Variants in SLC26A5 observed in about 807,000 individuals in gnomAD.
The protein encoded by SLC26A5 is prestin.
In SLC26A5, 51 loss-of-function variants were observed where a neutral mutation model predicts 81.0. That is an observed-to-expected ratio of 0.63 (90% CI 0.50 to 0.80). The LOEUF (loss-of-function observed/expected upper bound fraction) is 0.80. SLC26A5 is among the 30% of genes least tolerant of loss of function. The probability of loss-of-function intolerance (pLI) is 0.00; values close to 1 mark genes in which losing one functional copy is unlikely to be tolerated. For missense variants in SLC26A5, 771 were observed against 905.8 expected (o/e 0.85, Z 1.91); for synonymous variants, 325 against 332.8 (o/e 0.98, Z 0.25).
intron 19 of SLC26A5, among the ~76,000 whole-genome samples, chr7:103,376,232 T>C (rs1227866758): frequency 6.6e-6 from 1 of 151,902 alleles, no homozygotes; most frequent in Non-Finnish European, 1.5e-5. Context: ...TGCGCCACCA[T>C]GTCTGGCTAA....
intron 2 of SLC26A5, chr7:103,433,655 T>TAGAAGTCATTCG (rs1416333867): frequency 6.6e-6 from 1 of 152,104 alleles, no homozygotes; most frequent in African/African-American, 2.4e-5. Context: ...AAAGTCATTC[T>TAGAAGTCATTCG]TCTTGAGCTC....
chr7:103,430,944 A>C (rs1332266328), intron 2 of SLC26A5, among the ~76,000 whole-genome samples: 1 of 152,210 alleles, frequency 6.6e-6, no homozygotes, highest in Non-Finnish European at 1.5e-5. Flanking sequence ...CATACCACTA[A>C]ATAAGTTGAA....
Position 103,353,514 on chromosome 7 carries a change from C to T in SLC26A5, c.2042-588G>A, listed in dbSNP as rs2116138132. 2.6e-5 allele frequency among the ~76,000 whole-genome samples: 4 copies of T among 152,280 alleles called. No individual in the cohort carries two copies. In the Middle Eastern group the frequency reaches 0.014, roughly 518 times the overall value. ...TAGAGACGGGGTTTCGCCAGGTTGG[C>T]TAGGCTGGTCTCAAACTCCTGACCT... On this transcript the variant is annotated intron_variant, in intron 19 of 19. Transcript: ENST00000339444.
intron 19 of SLC26A5, chr7:103,353,986 T>G (rs368468336): frequency 6.6e-7 from 1 of 1,516,050 alleles, no homozygotes; most frequent in Non-Finnish European, 9.0e-7. Flanking sequence ...CTACAAACTA[T>G]AGATGTTTTA....
At position 103,411,451 on chromosome 7, in the gene SLC26A5, ATGGCGACT is replaced by A; in HGVS notation, c.531_538del (p.Lys177AsnfsTer18). ...GATTCCTGAAAGTAAGGTCACAGAC[ATGGCGACT>A]TTCACTCTCAAGGCATCTCTGGCCT... On this transcript the variant is annotated frameshift_variant, in exon 6 of 20. Transcript: ENST00000306312. LOFTEE classifies it high-confidence loss of function. The A allele has an allele frequency of 1.2e-6, 2 of 1,614,186 alleles. No homozygotes were observed. The highest frequency in any genetic ancestry group is 1.7e-6 in the Non-Finnish European group (2 of 1,180,022).
chr7:103,424,781 C>T (rs1485673145), intron 2 of SLC26A5, among the ~76,000 whole-genome samples: 1 of 152,150 alleles, frequency 6.6e-6, no homozygotes, highest in Non-Finnish European at 1.5e-5. Flanking sequence ...GATGTTTTAT[C>T]ACCTACAAGG....
At chr7:103,416,560 T>C (rs1289910179) in intron 4 of SLC26A5, among the ~76,000 whole-genome samples, 1 of 152,236 alleles carries the variant, frequency 6.6e-6, no homozygotes, top group African/African-American at 2.4e-5. Context: ...TTGCAAAGAC[T>C]TTGAACCAGT....
intron 2 of SLC26A5, among the ~76,000 whole-genome samples, chr7:103,431,030 G>A (rs1351159647): frequency 6.6e-6 from 1 of 152,158 alleles, no homozygotes; most frequent in Non-Finnish European, 1.5e-5. Flanking sequence ...AGAAACACTT[G>A]AAAGATCTTT....
chr7:103,384,885 C>T (rs183657380), intron 14 of SLC26A5, among the ~76,000 whole-genome samples: 1 of 152,232 alleles, frequency 6.6e-6, no homozygotes, highest in East Asian at 1.9e-4. Context: ...ACATCATCAT[C>T]ATGATTACGT....
At chr7:103,408,697 C>G (rs1461258613) in intron 7 of SLC26A5, among the ~76,000 whole-genome samples, 1 of 152,024 alleles carries the variant, frequency 6.6e-6, no homozygotes, top group Non-Finnish European at 1.5e-5. Context: ...TTTAGGAGCT[C>G]AAAGAGAGAG....
intron 19 of SLC26A5, among the ~76,000 whole-genome samples, chr7:103,375,645 G>A (rs139415039): frequency 1.2e-4 from 18 of 152,062 alleles, no homozygotes; most frequent in African/African-American, 4.3e-4. Context: ...TGTTGCTTAG[G>A]CTGGTCTTGA....
At chr7:103,386,194 G>T (rs1727679836) in intron 14 of SLC26A5, among the ~76,000 whole-genome samples, 1 of 151,770 alleles carries the variant, frequency 6.6e-6, no homozygotes, top group Non-Finnish European at 1.5e-5. Flanking sequence ...GTCTCCCAAA[G>T]TGCTTGGATT....
intron 14 of SLC26A5, among the ~76,000 whole-genome samples, chr7:103,388,200 T>TG (rs1822355216): frequency 6.8e-6 from 1 of 148,000 alleles, no homozygotes; most frequent in African/African-American, 2.5e-5. Flanking sequence ...AAAGTTTTTT[T>TG]TTTTTTTTTT....
At chr7:103,377,874 G>C in intron 17 of SLC26A5, 75 bp from the exon 18 acceptor site, 3 of 1,399,576 alleles carry the variant, frequency 2.1e-6, no homozygotes, top group Non-Finnish European at 3.0e-6. Context: ...ATTTATAATG[G>C]AAAATCTGCT....
chr7:103,378,346 T>C, intron 17 of SLC26A5, 100 bp downstream of exon 17: 2 of 1,190,314 alleles, frequency 1.7e-6, no homozygotes, highest in Middle Eastern at 1.9e-4. Context: ...CTTTCCTCTT[T>C]TAGTAACTTC....
chr7:103,417,368 CAAAA>C (rs527355678), intron 4 of SLC26A5, among the ~76,000 whole-genome samples: 2 of 65,796 alleles, frequency 3.0e-5, no homozygotes, highest in Non-Finnish European at 3.3e-5. Flanking sequence ...GACTCTGTCT[CAAAA>C]AAAAAAAAAA....
intron 14 of SLC26A5, among the ~76,000 whole-genome samples, chr7:103,385,926 T>C (rs997622046): frequency 1.3e-5 from 2 of 148,910 alleles, no homozygotes; most frequent in African/African-American, 5.2e-5. Context: ...GGAGCTTTTT[T>C]CTTTCTTTCT....
At chr7:103,353,998 G>C (rs375404196) in intron 19 of SLC26A5, 70 of 1,466,964 alleles carry the variant, frequency 4.8e-5, no homozygotes, top group Non-Finnish European at 6.0e-5. Context: ...GATGTTTTAT[G>C]TTGAAATAAA....
intron 19 of SLC26A5, among the ~76,000 whole-genome samples, chr7:103,361,336 T>TG (rs1554574596): frequency 2.5e-4 from 30 of 120,824 alleles, no homozygotes; most frequent in Admixed American, 2.4e-3. Context: ...CCCTCTCTAC[T>TG]AAAAAAAAAA....
Sources: allele counts gnomAD v4.1 joint callset (sites outside exome capture counted in the v4.1 genomes callset), GRCh38; gene constraint gnomAD v4.1.1; transcripts MANE v1.5; gene names NCBI Gene and HGNC (gene_info 2026-07-23, HGNC 2026-07-21).